The following PLEKHA8 variants were observed in gnomAD, a reference collection of about 807,000 sequenced individuals.
PLEKHA8 encodes the protein pleckstrin homology domain-containing family A member 8.
Under a neutral mutation model 68.2 loss-of-function variants are expected in PLEKHA8, and 36 were observed. That is an observed-to-expected ratio of 0.53 (90% CI 0.40 to 0.70). The LOEUF (loss-of-function observed/expected upper bound fraction) is 0.70, where lower values mean the gene tolerates loss of function less well. Among genes scored for constraint, PLEKHA8 ranks in the 30% least tolerant of loss-of-function variants. The pLI, the probability that PLEKHA8 is intolerant of heterozygous loss-of-function variation, is 0.00. For synonymous variants in PLEKHA8, 211 were observed against 216.1 expected (o/e 0.98, Z 0.20); for missense variants, 505 against 615.4 (o/e 0.82, Z 1.90).
chr7:30,049,509 G>A (rs1003288421), intron 5 of PLEKHA8, 127 bp downstream of exon 5: 16 of 1,256,260 alleles, frequency 1.3e-5, no homozygotes, highest in African/African-American at 1.5e-5. Context: ...TTTGCTCTAC[G>A]TCCTTTTTTT....
In PLEKHA8 at chr7:30,052,795, C is replaced by T. The variant is rs1482494061; in HGVS notation, c.725C>T (p.Ser242Phe). The part of the protein sequence containing the change: ...EEEILMKNKN[S>F]LYLKSAEIDC... Reference sequence around the variant, plus strand: ...GAAATCCTAATGAAAAATAAGAATTCCTTATATTTGAAATCTGCAGAGATA... The same window carrying T: ...GAAATCCTAATGAAAAATAAGAATTTCTTATATTTGAAATCTGCAGAGATA... The change falls in exon 7 of 14, where the codon TCC becomes TTC. Residue 242 changes from serine to phenylalanine, a missense_variant. Physicochemically the swap from Ser to Phe is radical, Grantham distance 155. Transcript: ENST00000449726. 6.4e-7 allele frequency: 1 copy of T among 1,563,482 alleles called. No individual in the cohort carries two copies. The highest frequency in any genetic ancestry group is 8.6e-7 in the Non-Finnish European group (1 of 1,162,798).
At chr7:30,035,112 A>T (rs1790969521) in intron 1 of PLEKHA8, among the ~76,000 whole-genome samples, 1 of 152,142 alleles carries the variant, frequency 6.6e-6, no homozygotes, top group South Asian at 2.1e-4. Context: ...TCAGTGATAA[A>T]GTCACAAGCC....
chr7:30,127,916 TA>T (rs888366358), intron 13 of PLEKHA8, among the ~76,000 whole-genome samples: 17 of 152,316 alleles, frequency 1.1e-4, no homozygotes, highest in African/African-American at 4.1e-4. Flanking sequence ...ATTAAGAAGT[TA>T]AATAAAATCT....
At chr7:30,123,874 A>G (rs1205729137) in intron 13 of PLEKHA8, among the ~76,000 whole-genome samples, 1 of 152,216 alleles carries the variant, frequency 6.6e-6, no homozygotes, top group Non-Finnish European at 1.5e-5. Context: ...TTTTCTACTT[A>G]AGCTAGTTTG....
At position 30,116,068 on chromosome 7, in the gene PLEKHA8, A is replaced by G. The variant is rs974212794; in HGVS notation, c.1363-13198A>G. 1.4e-5 allele frequency: 2 copies of G among 138,930 alleles called. 1 individual carries two copies. The highest frequency in any genetic ancestry group is 5.4e-5 in the African/African-American group (2 of 36,810). The allele number at this position is 138,930 out of a possible 1,614,324, so 8.6% of individuals were successfully genotyped here. A position where few individuals can be genotyped will look rare whatever the true frequency, so the allele number is the denominator to read the frequency against. On this transcript the variant is annotated intron_variant, in intron 13 of 13. Transcript: ENST00000396257. The stretch of plus-strand genomic sequence containing the variant: ...TACGCATACATACGTATGCATACGT[A>G]TACATGTATACATACGCATACATAC...
intron 9 of PLEKHA8, among the ~76,000 whole-genome samples, chr7:30,056,420 T>A (rs567090990): frequency 5.8e-4 from 84 of 144,500 alleles, no homozygotes; most frequent in Non-Finnish European, 1.1e-3. Flanking sequence ...CATACATATA[T>A]ATGTAAATAA....
chr7:30,083,398 C>T lies in PLEKHA8; in HGVS notation c.*4611C>T. ...CTGTATCACAACGTCATTAGGAGTTCTTTCAACAATTCCATAAATATACTG... is the reference window on the plus strand; with the variant it reads ...CTGTATCACAACGTCATTAGGAGTTTTTTCAACAATTCCATAAATATACTG... On this transcript the variant is annotated 3_prime_UTR_variant, in exon 14 of 14. Coordinates refer to ENST00000449726, the MANE Select transcript of PLEKHA8 (RefSeq NM_001197026.2). 3.0e-6 allele frequency: 3 copies of T among 984,346 alleles called. No homozygotes were observed. Among genetic ancestry groups the T allele is most frequent in the Non-Finnish European group, 3.6e-6 (3 of 828,992 alleles). The allele number at this position is 984,346 out of a possible 1,614,324, so 61.0% of individuals were successfully genotyped here. A position where few individuals can be genotyped will look rare whatever the true frequency, so the allele number is the denominator to read the frequency against.
At chr7:30,115,955 C>A (rs1485318931) in intron 13 of PLEKHA8, 1 of 146,986 alleles carries the variant, frequency 6.8e-6, no homozygotes, top group Non-Finnish European at 1.5e-5. Flanking sequence ...CATACGCATA[C>A]ATGCATGCAT....
chr7:30,050,091 T>C (rs938794769), intron 5 of PLEKHA8, among the ~76,000 whole-genome samples: 1 of 152,238 alleles, frequency 6.6e-6, no homozygotes, highest in African/African-American at 2.4e-5. Flanking sequence ...GTATTTGATA[T>C]AATACTTGTG....
intron 13 of PLEKHA8, among the ~76,000 whole-genome samples, chr7:30,105,019 C>T (rs1796008008): frequency 6.6e-6 from 1 of 152,028 alleles, no homozygotes; most frequent in Non-Finnish European, 1.5e-5. Context: ...AGCCACTGCG[C>T]CCAGCCTCAC....
At chr7:30,109,799 G>A (rs1360108049) in intron 13 of PLEKHA8, among the ~76,000 whole-genome samples, 1 of 150,968 alleles carries the variant, frequency 6.6e-6, no homozygotes, top group Non-Finnish European at 1.5e-5. Flanking sequence ...AGCCTTCCAA[G>A]TAGCTGGGAC....
At chr7:30,077,799 G>C (rs1255631577) in intron 13 of PLEKHA8, among the ~76,000 whole-genome samples, 1 of 152,140 alleles carries the variant, frequency 6.6e-6, no homozygotes, top group Non-Finnish European at 1.5e-5. Context: ...GAGATCTAGT[G>C]ACCGCCAGAA....
chr7:30,062,597 T>A, intron 11 of PLEKHA8, 75 bp from the exon 12 acceptor site: 1 of 1,031,616 alleles, frequency 9.7e-7, no homozygotes, highest in Non-Finnish European at 1.5e-6. Context: ...TGGAAGCTGA[T>A]GTCTGCCATT....
At chr7:30,065,440 C>A (rs1793770945) in intron 12 of PLEKHA8, among the ~76,000 whole-genome samples, 1 of 147,820 alleles carries the variant, frequency 6.8e-6, no homozygotes, top group Non-Finnish European at 1.5e-5. Flanking sequence ...CCCACAGACA[C>A]AGACACAACA....
chr7:30,037,461 A>G (rs972964950), intron 1 of PLEKHA8, among the ~76,000 whole-genome samples: 1 of 152,142 alleles, frequency 6.6e-6, no homozygotes. Context: ...CTTGAATCAG[A>G]TTCTGGGAAA....
chr7:30,108,090 A>AAAAAAAAAAAAAAAC (rs1796139364), intron 13 of PLEKHA8, among the ~76,000 whole-genome samples: 1 of 148,858 alleles, frequency 6.7e-6, no homozygotes, highest in African/African-American at 2.5e-5. Flanking sequence ...AAAAAAAAAA[A>AAAAAAAAAAAAAAAC]AACCTACATT....
chr7:30,118,122 C>G, intron 13 of PLEKHA8: 1 of 1,132,842 alleles, frequency 8.8e-7, no homozygotes, highest in Non-Finnish European at 1.2e-6. Flanking sequence ...GGACTAAATG[C>G]CTCTCCTGGG....
chr7:30,088,711 T>A (rs896652362), downstream of PLEKHA8, among the ~76,000 whole-genome samples: 2 of 152,174 alleles, frequency 1.3e-5, no homozygotes, highest in African/African-American at 4.8e-5. Flanking sequence ...TGTTTTTGTG[T>A]CTTAAACTTC....
chr7:30,086,983 T>C (rs551891154), downstream of PLEKHA8, among the ~76,000 whole-genome samples: 8 of 152,332 alleles, frequency 5.3e-5, no homozygotes, highest in East Asian at 1.2e-3. Context: ...TGGTCTGACA[T>C]CAGCACTGAG....
Sources: allele counts gnomAD v4.1 joint callset (sites outside exome capture counted in the v4.1 genomes callset), GRCh38; gene constraint gnomAD v4.1.1; transcripts MANE v1.5; gene names NCBI Gene and HGNC (gene_info 2026-07-23, HGNC 2026-07-21).